Variants in GNA11 observed in about 807,000 individuals in gnomAD.
GNA11 encodes guanine nucleotide-binding protein subunit alpha-11.
GNA11 carries 8 observed loss-of-function variants against 38.2 expected under a neutral mutation model. That is an observed-to-expected ratio of 0.21 (90% CI 0.12 to 0.38). The LOEUF (loss-of-function observed/expected upper bound fraction) is 0.38, where lower values mean the gene tolerates loss of function less well. Ranked by LOEUF, GNA11 falls within the 10% of genes least tolerant of loss-of-function variation. The pLI, the probability that GNA11 is intolerant of heterozygous loss-of-function variation, is 1.00. For synonymous variants in GNA11, 211 were observed against 221.4 expected (o/e 0.95, Z 0.42); for missense variants, 268 against 516.3 (o/e 0.52, Z 4.66).
At position 3,108,555 on chromosome 19, in the gene GNA11, G is replaced by T. The variant is rs1300970978; in HGVS notation, c.137-1594G>T. ...AGTGGGCTGGGGGCATGCTGGGAGG[G>T]GGCGGTGACGCTTGAGTCTCTAGGG... On this transcript the variant is annotated intron_variant, in intron 1 of 6. Transcript: ENST00000078429. This position sits in a 1 kb window ranked among gnomAD's most constrained non-coding sequence, Gnocchi z 4.5. Among the ~76,000 whole-genome samples the T allele has an allele frequency of 6.6e-6, 1 of 152,028 alleles. No homozygotes were observed. Among genetic ancestry groups the T allele is most frequent in the African/African-American group, 2.4e-5 (1 of 41,364 alleles).
At chr19:3,113,629 C>T (rs1913836280) in intron 3 of GNA11, 145 bp downstream of exon 3, 5 of 617,384 alleles carry the variant, frequency 8.1e-6, no homozygotes, top group South Asian at 4.0e-5. Context: ...GCCACCTGGC[C>T]GGATGGAGGG....
intron 2 of GNA11, among the ~76,000 whole-genome samples, 173 bp from the exon 3 acceptor site, chr19:3,113,157 C>T (rs1048408642): frequency 3.9e-5 from 6 of 152,378 alleles, no homozygotes; most frequent in Middle Eastern, 3.4e-3. Context: ...CACCGCCAGG[C>T]GGCCTCGCGT....
intron 4 of GNA11, among the ~76,000 whole-genome samples, chr19:3,116,459 C>T (rs1913925160): frequency 6.8e-6 from 1 of 146,904 alleles, no homozygotes. Context: ...GCATCCTTGG[C>T]ATCCTTGGCA....
chr19:3,103,952 C>T (rs1033471926), intron 1 of GNA11, among the ~76,000 whole-genome samples: 8 of 152,020 alleles, frequency 5.3e-5, no homozygotes, highest in East Asian at 1.9e-4. Context: ...CCCAAAGTGC[C>T]GGGATTACAG....
At position 3,123,918 on chromosome 19, in the gene GNA11, C is replaced by T. The variant is rs946210669; in HGVS notation, c.*2739C>T. The T allele has an allele frequency of 1.7e-5, 4 of 232,108 alleles. No homozygotes were observed. Among genetic ancestry groups the T allele is most frequent in the African/African-American group, 8.8e-5 (4 of 45,282 alleles). The allele number at this position is 232,108 out of a possible 1,614,324, so 14.4% of individuals were successfully genotyped here. A position where few individuals can be genotyped will look rare whatever the true frequency, so the allele number is the denominator to read the frequency against. ...CAGCCACCGGCCCTGACCCTTAATC[C>T]AGACACCGATGGAAGTCGACTTTTC... On this transcript the variant is annotated 3_prime_UTR_variant, in exon 7 of 7. Transcript: ENST00000078429.
intron 1 of GNA11, among the ~76,000 whole-genome samples, chr19:3,096,117 G>A (rs966090927): frequency 6.6e-6 from 1 of 152,162 alleles, no homozygotes; most frequent in Non-Finnish European, 1.5e-5. Flanking sequence ...GGAGGAGGCA[G>A]GTCGCATGTT....
intron 1 of GNA11, among the ~76,000 whole-genome samples, chr19:3,101,755 G>T (rs1022857907): frequency 2.0e-5 from 3 of 152,224 alleles, no homozygotes; most frequent in African/African-American, 7.2e-5. Context: ...GGGGGCTTCA[G>T]TAATGGCTGT....
chr19:3,112,120 C>T (rs1223938634), intron 2 of GNA11, among the ~76,000 whole-genome samples: 1 of 152,240 alleles, frequency 6.6e-6, no homozygotes, highest in African/African-American at 2.4e-5. Flanking sequence ...TGGAGACAGT[C>T]CGTGTGGTCG....
intron 2 of GNA11, among the ~76,000 whole-genome samples, chr19:3,111,552 G>C (rs535486850): frequency 6.6e-5 from 10 of 152,138 alleles, no homozygotes; most frequent in African/African-American, 2.4e-4. Flanking sequence ...CCGCGTATTT[G>C]CCCATTTATC....
rs968801837 is a variant in GNA11 at position 3,122,554 on chromosome 19, G to A, written c.*1375G>A. On this transcript the variant is annotated 3_prime_UTR_variant, in exon 7 of 7. Transcript: ENST00000078429. This position sits in a 1 kb window ranked among gnomAD's most constrained non-coding sequence, Gnocchi z 7.7. ...CTCCCCGAGAGACTCGGAAGGTGGG[G>A]AACGAGGGGACTGTGTTTGGGGAGG... The A allele has an allele frequency of 1.3e-5, 3 of 232,878 alleles. No individual in the cohort carries two copies. Among genetic ancestry groups the A allele is most frequent in the Admixed American group, 5.6e-5 (1 of 17,768 alleles). 14.4% of individuals were successfully genotyped at this position (232,878 alleles called of 1,614,324 possible).
chr19:3,117,599 G>T (rs1306603563), intron 4 of GNA11: 1 of 152,314 alleles, frequency 6.6e-6, no homozygotes, highest in Non-Finnish European at 1.5e-5. Flanking sequence ...AGCCAGGATG[G>T]TCTCGACCTC....
chr19:3,100,530 G>A (rs562223610), intron 1 of GNA11, among the ~76,000 whole-genome samples: 15 of 152,324 alleles, frequency 9.8e-5, no homozygotes, highest in African/African-American at 3.1e-4. Context: ...GGAGTGGCCC[G>A]ACACCTCCCC....
chr19:3,097,494 C>G (rs1380364825), intron 1 of GNA11, among the ~76,000 whole-genome samples: 1 of 152,188 alleles, frequency 6.6e-6, no homozygotes, highest in Admixed American at 6.5e-5. Context: ...CTTCCAGGCT[C>G]TGGGGCAGCA....
intron 1 of GNA11, among the ~76,000 whole-genome samples, chr19:3,095,326 C>T (rs980579071): frequency 2.6e-5 from 4 of 152,164 alleles, no homozygotes; most frequent in African/African-American, 9.7e-5. Context: ...GGACCAGTCC[C>T]TCCCTGCACA....
At chr19:3,109,412 A>G (rs1251303080) in intron 1 of GNA11, among the ~76,000 whole-genome samples, 2 of 152,094 alleles carry the variant, frequency 1.3e-5, no homozygotes, top group Non-Finnish European at 2.9e-5. Flanking sequence ...GGGCCCTGGG[A>G]CCATCAGTGT....
rs1438370499 is a variant in GNA11 at position 3,123,312 on chromosome 19, CG to C, written c.*2134del. Reference sequence around the variant, plus strand: ...CAGAGCCGGGCTGGGACCGCCAAAACGTCGTGGCCTGGATCCTCTGGGTCTG... The same window carrying C: ...CAGAGCCGGGCTGGGACCGCCAAAACTCGTGGCCTGGATCCTCTGGGTCTG... On this transcript the variant is annotated 3_prime_UTR_variant, in exon 7 of 7. Transcript: ENST00000078429. The C allele has an allele frequency of 3.0e-5, 7 of 233,250 alleles. No individual in the cohort carries two copies. Among genetic ancestry groups the C allele is most frequent in the African/African-American group, 1.3e-4 (6 of 45,326 alleles). 14.4% of individuals were successfully genotyped at this position (233,250 alleles called of 1,614,324 possible). A position where few individuals can be genotyped will look rare whatever the true frequency, so the allele number is the denominator to read the frequency against.
chr19:3,115,095 C>T (rs377147005), intron 4 of GNA11, 23 bp downstream of exon 4: 80 of 1,607,698 alleles, frequency 5.0e-5, no homozygotes, highest in African/African-American at 2.0e-4. Context: ...CCACAGCAGG[C>T]GGGGAGGGGG....
intron 1 of GNA11, among the ~76,000 whole-genome samples, chr19:3,105,440 C>T (rs1471059144): frequency 6.8e-5 from 10 of 147,198 alleles, no homozygotes; most frequent in Admixed American, 4.1e-4. Context: ...ACATAGACAG[C>T]GGCGCTGTGG....
chr19:3,114,312 C>T (rs1913852392), intron 3 of GNA11, among the ~76,000 whole-genome samples: 1 of 152,186 alleles, frequency 6.6e-6, no homozygotes, highest in African/African-American at 2.4e-5. Context: ...TCAGGACTGC[C>T]CAGGGCGTCA....
Sources: gnomAD v4.1 joint callset for allele counts (sites outside exome capture counted in the v4.1 genomes callset) on GRCh38, gnomAD v4.1.1 for gene constraint, Gnocchi (gnomAD v3.1) non-coding constraint, MANE v1.5 for transcripts, NCBI Gene and HGNC (gene_info 2026-07-23, HGNC 2026-07-21) for gene names.